Variants in AKAP19 observed in about 807,000 individuals in gnomAD.
AKAP19 encodes the protein A-kinase anchoring protein 19, also known as small A-kinase anchoring protein.
the AKAP19 span, among the ~76,000 whole-genome samples, chr2:189,893,664 G>T: frequency 6.6e-6 from 1 of 152,116 alleles, no homozygotes; most frequent in Admixed American, 6.6e-5. Flanking sequence ...GTTCCTGTTC[G>T]GCCATCGTGC....
chr2:190,171,504 A>G, the AKAP19 span, among the ~76,000 whole-genome samples: 1 of 152,224 alleles, frequency 6.6e-6, no homozygotes, highest in African/African-American at 2.4e-5. Flanking sequence ...TAAGTTCAAA[A>G]AAATACAAGC....
At chr2:190,133,011 C>A in the AKAP19 span, among the ~76,000 whole-genome samples, 6 of 151,608 alleles carry the variant, frequency 4.0e-5, no homozygotes, top group Non-Finnish European at 8.8e-5. Flanking sequence ...CCAAGGTGGG[C>A]GGATCATGAG....
chr2:190,038,901 T>TTTCTTTCTTCTTC, the AKAP19 span, among the ~76,000 whole-genome samples: 330 of 45,966 alleles, frequency 7.2e-3, 5 homozygotes, highest in Non-Finnish European at 9.7e-3. Context: ...TCTTTCTTTC[T>TTTCTTTCTTCTTC]TTCTTCTTCT....
the AKAP19 span, among the ~76,000 whole-genome samples, chr2:190,157,396 A>ACACACACACACACACAC: frequency 6.6e-6 from 1 of 151,770 alleles, no homozygotes; most frequent in African/African-American, 2.4e-5. Flanking sequence ...ACACACACAT[A>ACACACACACACACACAC]TCACAGGATG....
the AKAP19 span, among the ~76,000 whole-genome samples, chr2:190,120,366 G>T: frequency 1.3e-5 from 2 of 152,162 alleles, no homozygotes; most frequent in Admixed American, 1.3e-4. Flanking sequence ...AAAAGCTGGG[G>T]GGGGCCTGTC....
At chr2:189,933,331 T>A in the AKAP19 span, among the ~76,000 whole-genome samples, 2 of 152,150 alleles carry the variant, frequency 1.3e-5, no homozygotes, top group African/African-American at 4.8e-5. Context: ...GTGTACCTAG[T>A]GTCTAGCATT....
the AKAP19 span, chr2:190,199,929 G>A: frequency 1.9e-6 from 3 of 1,614,122 alleles, no homozygotes; most frequent in African/African-American, 2.7e-5. Context: ...AGCAGCATGA[G>A]AGTGAAGAAC....
At chr2:189,926,976 T>G in the AKAP19 span, among the ~76,000 whole-genome samples, 1 of 152,116 alleles carries the variant, frequency 6.6e-6, no homozygotes, top group Non-Finnish European at 1.5e-5. Flanking sequence ...CTCAAACTCC[T>G]GGATTCAAGT....
the AKAP19 span, chr2:190,180,636 GCC>G: frequency 1.0e-6 from 1 of 985,676 alleles, no homozygotes; most frequent in Non-Finnish European, 1.2e-6. This position sits in a 1 kb window ranked among gnomAD's most constrained non-coding sequence, Gnocchi z 6.8. Context: ...CGCTCCGCCC[GCC>G]CCTGCCTCGG....
At chr2:190,119,297 G>A in the AKAP19 span, among the ~76,000 whole-genome samples, 4 of 152,236 alleles carry the variant, frequency 2.6e-5, no homozygotes, top group African/African-American at 9.6e-5. Flanking sequence ...AAAGCTGAAA[G>A]AGGGAACCCC....
the AKAP19 span, among the ~76,000 whole-genome samples, chr2:190,180,165 A>G: frequency 2.6e-5 from 4 of 152,344 alleles, no homozygotes; most frequent in South Asian, 8.3e-4. This position sits in a 1 kb window ranked among gnomAD's most constrained non-coding sequence, Gnocchi z 6.8. Flanking sequence ...CTGCATACTC[A>G]TGGTGCAAAC....
chr2:190,054,907 G>A, the AKAP19 span, among the ~76,000 whole-genome samples: 1 of 152,180 alleles, frequency 6.6e-6, no homozygotes, highest in Non-Finnish European at 1.5e-5. Context: ...AACCATTGTG[G>A]AAGTCAGTGT....
chr2:189,917,974 T>C, the AKAP19 span, among the ~76,000 whole-genome samples: 1 of 152,040 alleles, frequency 6.6e-6, no homozygotes, highest in South Asian at 2.1e-4. Flanking sequence ...CTTTGTATAG[T>C]TTTTTAGAGG....
the AKAP19 span, among the ~76,000 whole-genome samples, chr2:190,146,355 A>G: frequency 2.6e-5 from 4 of 152,198 alleles, no homozygotes; most frequent in Non-Finnish European, 5.9e-5. Flanking sequence ...CGTCATTTAT[A>G]TATATCACAG....
the AKAP19 span, among the ~76,000 whole-genome samples, chr2:190,024,344 G>GTGTGTGTATATCTATACACACATATATA: frequency 6.7e-6 from 1 of 150,202 alleles, no homozygotes; most frequent in Non-Finnish European, 1.5e-5. Flanking sequence ...ATATATATGT[G>GTGTGTGTATATCTATACACACATATATA]TGTGTGTATA....
the AKAP19 span, among the ~76,000 whole-genome samples, chr2:190,192,455 T>G: frequency 1.5e-5 from 1 of 64,992 alleles, no homozygotes; most frequent in Non-Finnish European, 3.2e-5. Flanking sequence ...TCAGAATCTG[T>G]GTGTGTGTGT....
the AKAP19 span, among the ~76,000 whole-genome samples, chr2:190,153,438 C>T: frequency 6.6e-6 from 1 of 152,068 alleles, no homozygotes; most frequent in Admixed American, 6.5e-5. Flanking sequence ...ACAATGTTAA[C>T]TAGTAGTGGT....
At chr2:190,130,305 G>A in the AKAP19 span, among the ~76,000 whole-genome samples, 3 of 152,086 alleles carry the variant, frequency 2.0e-5, no homozygotes, top group African/African-American at 7.2e-5. Flanking sequence ...GCCTTGACCT[G>A]GAAATTTTCT....
At chr2:190,102,998 A>G in the AKAP19 span, among the ~76,000 whole-genome samples, 2 of 152,194 alleles carry the variant, frequency 1.3e-5, no homozygotes, top group Non-Finnish European at 2.9e-5. Flanking sequence ...ATTCACCACA[A>G]TCAACTAGTC....
Sources: allele counts gnomAD v4.1 joint callset (sites outside exome capture counted in the v4.1 genomes callset), GRCh38; gene constraint gnomAD v4.1.1; non-coding constraint Gnocchi (gnomAD v3.1); transcripts MANE v1.5; gene names NCBI Gene and HGNC (gene_info 2026-07-23, HGNC 2026-07-21).